DPP10: variants seen among roughly 807,000 people sequenced by gnomAD.
The protein encoded by DPP10 is dipeptidyl peptidase like 10.
A neutral mutation model predicts 120.9 loss-of-function variants in DPP10; 33 were observed. The ratio of observed to expected loss-of-function variants is 0.27; its 90% CI spans 0.21 to 0.37. DPP10 has a LOEUF of 0.37. Ranked by LOEUF, DPP10 falls within the 10% of genes least tolerant of loss-of-function variation. The pLI, the probability that DPP10 is intolerant of heterozygous loss-of-function variation, is 1.00. For missense variants in DPP10, 816 were observed against 942.8 expected (o/e 0.87, Z 1.76); for synonymous variants, 337 against 326.1 (o/e 1.03, Z -0.36).
At chr2:115,455,245 T>C (rs962815787) in intron 3 of DPP10, among the ~76,000 whole-genome samples, 8 of 152,036 alleles carry the variant, frequency 5.3e-5, no homozygotes, top group African/African-American at 1.9e-4. Context: ...AATTGATCTA[T>C]ACATTGAATG....
chr2:115,201,013 G>A (rs1204378090), intron 1 of DPP10, among the ~76,000 whole-genome samples: 1 of 152,124 alleles, frequency 6.6e-6, no homozygotes, highest in Non-Finnish European at 1.5e-5. Flanking sequence ...TCAATTCATA[G>A]CAATTATCCA....
At chr2:114,533,830 C>T (rs966053564) in intron 1 of DPP10, among the ~76,000 whole-genome samples, 4 of 152,144 alleles carry the variant, frequency 2.6e-5, no homozygotes, top group African/African-American at 9.7e-5. Flanking sequence ...CCATCCCAAT[C>T]CTCAATTCCT....
At chr2:115,781,634 A>T (rs1682776029) in intron 16 of DPP10, among the ~76,000 whole-genome samples, 1 of 151,838 alleles carries the variant, frequency 6.6e-6, no homozygotes, top group South Asian at 2.1e-4. Flanking sequence ...ACTGCAGCTG[A>T]TATATTAAGC....
At chr2:114,727,269 G>C (rs1056708446) in intron 1 of DPP10, among the ~76,000 whole-genome samples, 4 of 152,190 alleles carry the variant, frequency 2.6e-5, no homozygotes, top group Non-Finnish European at 5.9e-5. Flanking sequence ...GCAGCACACA[G>C]AAGCTCAGTG....
At chr2:115,616,154 C>T (rs554510646) in intron 5 of DPP10, among the ~76,000 whole-genome samples, 15 of 152,054 alleles carry the variant, frequency 9.9e-5, no homozygotes, top group Middle Eastern at 3.4e-3. Flanking sequence ...ATTTGAAGCT[C>T]GTATTCTGTA....
intron 1 of DPP10, among the ~76,000 whole-genome samples, chr2:114,853,752 C>T (rs1394684952): frequency 6.6e-6 from 1 of 152,108 alleles, no homozygotes; most frequent in African/African-American, 2.4e-5. Flanking sequence ...AAGTTAGCTG[C>T]CCTGTCATGA....
At chr2:115,773,051 A>G (rs536752767) in intron 13 of DPP10, among the ~76,000 whole-genome samples, 1 of 152,262 alleles carries the variant, frequency 6.6e-6, no homozygotes, top group Non-Finnish European at 1.5e-5. Context: ...CATGCCCCCA[A>G]TCCACAATTT....
chr2:115,534,176 C>T lies in DPP10; in HGVS notation c.441+8204C>T, dbSNP rs191898802. Among the ~76,000 whole-genome samples, 1,391 of 151,458 alleles carry T rather than the reference C, an allele frequency of 9.2e-3. 30 individuals are homozygous for T. The highest frequency in any genetic ancestry group is 0.038 in the East Asian group (195 of 5,132). On this transcript the variant is annotated intron_variant, in intron 5 of 25. Coordinates refer to ENST00000410059, the MANE Select transcript of DPP10 (RefSeq NM_020868.6). ...GCACAATGTGCAGGTTAGTTACATA[C>T]GTATACATGTGCCATGCTGGTGTGC...
intron 1 of DPP10, among the ~76,000 whole-genome samples, chr2:114,803,169 C>G (rs1356666909): frequency 6.6e-6 from 1 of 152,196 alleles, no homozygotes; most frequent in East Asian, 1.9e-4. Context: ...ACCTTTGCTT[C>G]TTCCTTATTT....
At chr2:115,030,315 T>A (rs1486873705) in intron 1 of DPP10, among the ~76,000 whole-genome samples, 2 of 152,180 alleles carry the variant, frequency 1.3e-5, no homozygotes, top group Non-Finnish European at 2.9e-5. Context: ...GGCATAATGG[T>A]AAGCCCAGTC....
At chr2:115,763,098 A>T (rs1481428339) in intron 12 of DPP10, among the ~76,000 whole-genome samples, 2 of 152,226 alleles carry the variant, frequency 1.3e-5, no homozygotes, top group African/African-American at 4.8e-5. Flanking sequence ...AATCACTGTT[A>T]CATGGTCTCA....
At chr2:114,633,097 G>A (rs545267039) in intron 1 of DPP10, among the ~76,000 whole-genome samples, 1 of 151,084 alleles carries the variant, frequency 6.6e-6, no homozygotes, top group African/African-American at 2.5e-5. Flanking sequence ...CTGCTATTGG[G>A]ATGTCATTGC....
At chr2:114,785,382 C>T (rs912160862) in intron 1 of DPP10, among the ~76,000 whole-genome samples, 5 of 152,036 alleles carry the variant, frequency 3.3e-5, no homozygotes, top group African/African-American at 4.8e-5. Context: ...GGCAGCTCTG[C>T]CTGTGACCAA....
chr2:115,028,048 A>C (rs1019123715), intron 1 of DPP10, among the ~76,000 whole-genome samples: 3 of 152,042 alleles, frequency 2.0e-5, no homozygotes, highest in African/African-American at 7.2e-5. Flanking sequence ...TTTTCCAAAA[A>C]CCAACTTTTC....
intron 1 of DPP10, among the ~76,000 whole-genome samples, chr2:115,011,945 G>A (rs959371300): frequency 1.3e-5 from 2 of 152,044 alleles, no homozygotes; most frequent in South Asian, 2.1e-4. Context: ...GTGGGGTCAC[G>A]GTGGGAGTGA....
intron 5 of DPP10, among the ~76,000 whole-genome samples, chr2:115,607,542 A>T (rs1417877007): frequency 6.6e-6 from 1 of 152,198 alleles, no homozygotes; most frequent in African/African-American, 2.4e-5. Flanking sequence ...CACTTTTAGA[A>T]ATTGTGCTAA....
At chr2:114,984,623 CTAAA>C (rs1382240949) in intron 1 of DPP10, among the ~76,000 whole-genome samples, 7 of 151,978 alleles carry the variant, frequency 4.6e-5, no homozygotes, top group Non-Finnish European at 7.4e-5. Flanking sequence ...AAAAACCTGT[CTAAA>C]TAAATAAATA....
At chr2:115,326,460 A>G (rs2062371302) in intron 2 of DPP10, among the ~76,000 whole-genome samples, 2 of 152,100 alleles carry the variant, frequency 1.3e-5, no homozygotes, top group Admixed American at 1.3e-4. Flanking sequence ...TTAATATACT[A>G]CACTTTTATT....
chr2:114,682,024 A>G (rs1274852061), intron 1 of DPP10, among the ~76,000 whole-genome samples: 5 of 151,970 alleles, frequency 3.3e-5, no homozygotes, highest in Non-Finnish European at 5.9e-5. Flanking sequence ...AGCGTTGTCA[A>G]TTGTTCAGTC....
Sources: allele counts gnomAD v4.1 joint callset (sites outside exome capture counted in the v4.1 genomes callset), GRCh38; gene constraint gnomAD v4.1.1; transcripts MANE v1.5; gene names NCBI Gene and HGNC (gene_info 2026-07-23, HGNC 2026-07-21).